GRIP2: variants seen among roughly 807,000 people sequenced by gnomAD.
GRIP2 encodes glutamate receptor interacting protein 2.
A neutral mutation model predicts 108.3 loss-of-function variants in GRIP2; 58 were observed. That is an observed-to-expected ratio of 0.54 (90% confidence interval 0.43 to 0.67). The LOEUF is 0.67. Among genes scored for constraint, GRIP2 ranks in the 30% least tolerant of loss-of-function variants. GRIP2 has a pLI of 0.00. For missense variants in GRIP2, 1,278 were observed against 1,430.6 expected (o/e 0.89, Z 1.72); for synonymous variants, 586 against 598.2 (o/e 0.98, Z 0.30).
rs1371850487 is a variant in GRIP2 at position 14,489,746 on chromosome 3, T to TG, written c.*3918dup. ...ATGCTCTTGGCCTTAGGTGCTCACC[T>TG]GCTGCGGCTTTCAGTCCCTCCTCTT... On this transcript the variant is annotated 3_prime_UTR_variant, in exon 24 of 24. Transcript: ENST00000621039. The TG allele has an allele frequency of 6.6e-6, 1 of 152,314 alleles. No homozygotes were observed. Among genetic ancestry groups the TG allele is most frequent in the East Asian group, 1.9e-4 (1 of 5,200 alleles). 9.4% of individuals were successfully genotyped at this position (152,314 alleles called of 1,614,324 possible). A position where few individuals can be genotyped will look rare whatever the true frequency, so the allele number is the denominator to read the frequency against.
intron 4 of GRIP2, 52 bp from the exon 5 acceptor site, chr3:14,523,750 G>A (rs900913546): frequency 2.4e-5 from 30 of 1,226,512 alleles, no homozygotes; most frequent in African/African-American, 3.0e-5. Context: ...TCTCCAGGCC[G>A]GTAGATGTGC....
chr3:14,522,738 CG>C lies in GRIP2; in HGVS notation c.566+261del. 2.1e-6 allele frequency: 1 copy of C among 475,868 alleles called. No homozygotes were observed. Among genetic ancestry groups the C allele is most frequent in the Non-Finnish European group, 3.8e-6 (1 of 264,018 alleles). 29.5% of individuals were successfully genotyped at this position (475,868 alleles called of 1,614,324 possible). The stretch of plus-strand genomic sequence containing the variant: ...AACCAAGGAGCAGGAAAGGGAAGAA[CG>C]ACACCAAGGCTGCCCCTCTCCAAAC... On this transcript the variant is annotated intron_variant, in intron 6 of 23. Coordinates refer to ENST00000621039, the MANE Select transcript of GRIP2 (RefSeq NM_001080423.4). This position sits in a 1 kb window ranked among gnomAD's most constrained non-coding sequence, Gnocchi z 4.3.
Position 14,493,447 on chromosome 3 carries a change from G to A in GRIP2, c.*218C>T, listed in dbSNP as rs961719012. ...GGGCATCTTGGAGACCCAACTTGGC[G>A]AGAGACCCCAGCTGTCACTCCAACT... On this transcript the variant is annotated 3_prime_UTR_variant, in exon 24 of 24. Coordinates refer to ENST00000621039, the MANE Select transcript of GRIP2 (RefSeq NM_001080423.4). 3.6e-6 allele frequency: 2 copies of A among 563,112 alleles called. No homozygotes were observed. Among genetic ancestry groups the A allele is most frequent in the East Asian group, 3.1e-5 (1 of 31,748 alleles). 34.9% of individuals were successfully genotyped at this position (563,112 alleles called of 1,614,324 possible).
chr3:14,522,789 T>G lies in GRIP2; in HGVS notation c.566+211A>C. The G allele has an allele frequency of 1.8e-6, 1 of 558,992 alleles. No individual in the cohort carries two copies. Among genetic ancestry groups the G allele is most frequent in the Admixed American group, 3.1e-5 (1 of 32,648 alleles). 34.6% of individuals were successfully genotyped at this position (558,992 alleles called of 1,614,324 possible). On this transcript the variant is annotated intron_variant, in intron 6 of 23. Coordinates refer to ENST00000621039, the MANE Select transcript of GRIP2 (RefSeq NM_001080423.4). The surrounding 1 kb of genome is among the most constrained non-coding windows in gnomAD (Gnocchi z 4.3). ...CACCCCAACCCCTGAGACAGCAGTATGTTGGGGAAGAAAGGGCTCGAGGTT... is the reference window on the plus strand; with the variant it reads ...CACCCCAACCCCTGAGACAGCAGTAGGTTGGGGAAGAAAGGGCTCGAGGTT...
chr3:14,575,157 A>G, the GRIP2 span, among the ~76,000 whole-genome samples: 11 of 152,286 alleles, frequency 7.2e-5, no homozygotes, highest in South Asian at 2.1e-3. Context: ...AAGTGTGTTT[A>G]CTTTTCATTA....
At chr3:14,573,679 T>A in the GRIP2 span, 2 of 1,462,956 alleles carry the variant, frequency 1.4e-6, no homozygotes, top group Non-Finnish European at 1.9e-6. Flanking sequence ...TTCCCGGGGT[T>A]GTTTCTGGTG....
chr3:14,502,678 G>A (rs182852694), intron 21 of GRIP2, among the ~76,000 whole-genome samples: 11 of 152,206 alleles, frequency 7.2e-5, no homozygotes, highest in Admixed American at 3.9e-4. Context: ...TAAATTCATA[G>A]CTTTAAAAGA....
At chr3:14,499,676 C>T (rs937491134) in intron 21 of GRIP2, among the ~76,000 whole-genome samples, 1 of 151,778 alleles carries the variant, frequency 6.6e-6, no homozygotes, top group South Asian at 2.1e-4. Context: ...GTGAGCCAAG[C>T]GAGCCAAGCC....
chr3:14,517,960 G>A (rs1413773870), intron 9 of GRIP2, 63 bp from the exon 10 acceptor site: 3 of 1,458,362 alleles, frequency 2.1e-6, no homozygotes, highest in Non-Finnish European at 2.7e-6. Context: ...GCACTATGAA[G>A]CCAGGAAAGC....
Position 14,521,748 on chromosome 3 carries a change from G to T in GRIP2, c.606C>A (p.Val202=), listed in dbSNP as rs367591019. ...TGGCCCCGTGCAGCGGGATTCCATC[G>T]ACACTGAGCAGCCTGTCGCCCACCT... is the stretch of plus-strand genomic sequence containing the variant. ...SLKVGDRLLS[V]DGIPLHGASH... is the part of the protein sequence containing the mutation. The change falls in exon 7 of 24, where the codon GTC becomes GTA. Residue 202 remains valine (V), a synonymous_variant. Coordinates refer to ENST00000621039, the MANE Select transcript of GRIP2 (RefSeq NM_001080423.4). This position sits in a 1 kb window ranked among gnomAD's most constrained non-coding sequence, Gnocchi z 5.1. 1.1e-5 allele frequency: 17 copies of T among 1,609,198 alleles called. No individual in the cohort carries two copies. The East Asian group carries it at 3.8e-4, about 36-fold the overall frequency.
At position 14,491,814 on chromosome 3, in the gene GRIP2, C is replaced by G. The variant is rs1701344176; in HGVS notation, c.*1851G>C. 1 of 152,318 alleles carries G rather than the reference C, an allele frequency of 6.6e-6. No homozygotes were observed. Among genetic ancestry groups the G allele is most frequent in the Non-Finnish European group, 1.5e-5 (1 of 68,110 alleles). The allele number at this position is 152,318 out of a possible 1,614,324, so 9.4% of individuals were successfully genotyped here. ...GGCTGCTTGCATCCAGAAGCCACAC[C>G]TCTGCTGTGCTGTCCCTCACCCTCA... On this transcript the variant is annotated 3_prime_UTR_variant, in exon 24 of 24. Transcript: ENST00000621039.
chr3:14,554,303 T>G (rs749711069), intron 1 of GRIP2, among the ~76,000 whole-genome samples: 1 of 152,186 alleles, frequency 6.6e-6, no homozygotes, highest in Non-Finnish European at 1.5e-5. Context: ...CAGAGCCTGA[T>G]CCACAGCATT....
intron 1 of GRIP2, among the ~76,000 whole-genome samples, chr3:14,539,637 G>C (rs1694913353): frequency 6.6e-6 from 1 of 152,170 alleles, no homozygotes; most frequent in African/African-American, 2.4e-5. Flanking sequence ...TGGAGGAATA[G>C]GGTGAGCCCA....
At position 14,527,851 on chromosome 3, in the gene GRIP2, G is replaced by A. The variant is rs369415577; in HGVS notation, c.41-1920C>T. On this transcript the variant is annotated intron_variant, in intron 1 of 23. Transcript: ENST00000621039. ...GCGGAGGTTGCAGTGAGTCAAGACC[G>A]TGCCACATCACTCCAGTCTGGGTGA... 4.5e-4 allele frequency among the ~76,000 whole-genome samples: 68 copies of A among 152,070 alleles called. 1 individual carries two copies. The South Asian group carries it at 0.011, about 26-fold the overall frequency.
chr3:14,576,987 G>T, the GRIP2 span, among the ~76,000 whole-genome samples: 1 of 152,200 alleles, frequency 6.6e-6, no homozygotes, highest in Admixed American at 6.5e-5. Context: ...TTGTAATGAG[G>T]ATTTGATTCA....
Position 14,505,106 on chromosome 3 carries a change from A to T in GRIP2, c.2573+509T>A, listed in dbSNP as rs905529351. On this transcript the variant is annotated intron_variant, in intron 20 of 23. Transcript: ENST00000621039. This position sits in a 1 kb window ranked among gnomAD's most constrained non-coding sequence, Gnocchi z 4.2. ...TGCCAGGAGAGACCAGGGGAAAGGC[A>T]TCGAGGCAGAAGGAACCGCCTGATC... Among the ~76,000 whole-genome samples the T allele has an allele frequency of 1.3e-5, 2 of 152,134 alleles. No homozygotes were observed. Among genetic ancestry groups the T allele is most frequent in the African/African-American group, 4.8e-5 (2 of 41,434 alleles).
the GRIP2 span, among the ~76,000 whole-genome samples, chr3:14,580,645 A>G: frequency 1.3e-5 from 2 of 152,196 alleles, no homozygotes; most frequent in African/African-American, 4.8e-5. Flanking sequence ...GTGAGCTGAG[A>G]TCGCACCACT....
intron 10 of GRIP2, 60 bp from the exon 11 acceptor site, chr3:14,517,273 A>G: frequency 2.0e-6 from 3 of 1,469,072 alleles, no homozygotes; most frequent in Non-Finnish European, 2.7e-6. Context: ...CCCACCACAC[A>G]GTGGGTGCTG....
intron 1 of GRIP2, among the ~76,000 whole-genome samples, chr3:14,551,090 G>A (rs1206186573): frequency 2.6e-5 from 4 of 152,190 alleles, no homozygotes; most frequent in Admixed American, 2.6e-4. Flanking sequence ...AAGGGACGCT[G>A]AGGCCAGGAG....
Sources: allele counts gnomAD v4.1 joint callset (sites outside exome capture counted in the v4.1 genomes callset), GRCh38; gene constraint gnomAD v4.1.1; non-coding constraint Gnocchi (gnomAD v3.1); transcripts MANE v1.5; gene names NCBI Gene and HGNC (gene_info 2026-07-23, HGNC 2026-07-21).